CAMTA1: variants seen among roughly 807,000 people sequenced by gnomAD.
CAMTA1 encodes calmodulin binding transcription activator 1, also known as calmodulin-binding transcription activator 1.
CAMTA1 carries 27 observed loss-of-function variants against 170.9 expected under a neutral mutation model. That is an observed-to-expected ratio of 0.16 (90% CI 0.12 to 0.22). CAMTA1 has a LOEUF of 0.22. Ranked by LOEUF, CAMTA1 falls within the 10% of genes least tolerant of loss-of-function variation. The pLI is 1.00. For synonymous variants in CAMTA1, 833 were observed against 891.5 expected (o/e 0.93, Z 1.17); for missense variants, 1,619 against 2,217.2 (o/e 0.73, Z 5.42).
intron 6 of CAMTA1, among the ~76,000 whole-genome samples, chr1:7,474,534 G>A (rs917199108): frequency 6.6e-6 from 1 of 152,204 alleles, no homozygotes; most frequent in Non-Finnish European, 1.5e-5. Context: ...CCTGTAAGTG[G>A]ACATCCTGAA....
intron 3 of CAMTA1, among the ~76,000 whole-genome samples, chr1:6,958,557 C>T (rs1315744904): frequency 2.6e-5 from 4 of 152,208 alleles, no homozygotes; most frequent in Admixed American, 6.5e-5. Context: ...TACTGAAGTC[C>T]GTCACCCAGA....
chr1:7,114,016 C>T (rs1644215407), intron 4 of CAMTA1, among the ~76,000 whole-genome samples: 1 of 152,178 alleles, frequency 6.6e-6, no homozygotes, highest in Admixed American at 6.5e-5. Flanking sequence ...ACTGCTGTAA[C>T]CCACGAGCCT....
rs1701007945 is a variant in CAMTA1, at chr1:7,019,171, CAGTCTCTT to C, written c.235-72127_235-72120del. On this transcript the variant is annotated intron_variant, in intron 3 of 22. Coordinates refer to ENST00000303635, the MANE Select transcript of CAMTA1 (RefSeq NM_015215.4). ...TCTGCTTCTCACAGCTTCTTTAACT[CAGTCTCTT>C]AGTCTTCCCCTGAACTCGCGGACAC... Among the ~76,000 whole-genome samples, 6 of 152,206 alleles carry C rather than the reference CAGTCTCTT, an allele frequency of 3.9e-5. No individual in the cohort carries two copies. In the South Asian group the frequency reaches 1.2e-3, roughly 32 times the overall value.
intron 11 of CAMTA1, among the ~76,000 whole-genome samples, chr1:7,692,350 T>C (rs2096325450): frequency 6.6e-6 from 1 of 152,068 alleles, no homozygotes; most frequent in Non-Finnish European, 1.5e-5. Context: ...TTCCTGGAGC[T>C]GCTCAGCCCT....
chr1:7,363,603 G>T (rs780026329), intron 5 of CAMTA1, among the ~76,000 whole-genome samples: 1 of 152,134 alleles, frequency 6.6e-6, no homozygotes, highest in Admixed American at 6.5e-5. Context: ...ACATCGGAAC[G>T]ATTGGCCTGT....
chr1:7,066,455 T>A (rs1708975576), intron 3 of CAMTA1, among the ~76,000 whole-genome samples: 1 of 152,224 alleles, frequency 6.6e-6, no homozygotes, highest in Non-Finnish European at 1.5e-5. Flanking sequence ...CTTAGAAAGA[T>A]CTAAGAAAAT....
intron 5 of CAMTA1, among the ~76,000 whole-genome samples, chr1:7,317,751 C>T (rs1677744376): frequency 6.6e-6 from 1 of 152,120 alleles, no homozygotes; most frequent in Non-Finnish European, 1.5e-5. Flanking sequence ...GGAACACAGC[C>T]CTGGGCAACT....
intron 7 of CAMTA1, among the ~76,000 whole-genome samples, chr1:7,654,663 C>CAT (rs1347395576): frequency 6.8e-6 from 1 of 147,960 alleles, no homozygotes; most frequent in East Asian, 2.0e-4. Flanking sequence ...TATACACACA[C>CAT]ACCTATACAC....
intron 5 of CAMTA1, among the ~76,000 whole-genome samples, chr1:7,409,261 A>C (rs1444632995): frequency 6.6e-6 from 1 of 152,198 alleles, no homozygotes; most frequent in Non-Finnish European, 1.5e-5. Context: ...GATGGTGGGA[A>C]AGAGCACGAC....
chr1:7,305,118 T>G (rs987574880), intron 5 of CAMTA1, among the ~76,000 whole-genome samples: 2 of 152,168 alleles, frequency 1.3e-5, no homozygotes, highest in African/African-American at 4.8e-5. Context: ...TCTACCTTTT[T>G]TTCTTGCTGG....
intron 3 of CAMTA1, among the ~76,000 whole-genome samples, chr1:6,856,052 C>A (rs1401770232): frequency 1.3e-5 from 2 of 152,164 alleles, no homozygotes. Context: ...TGGAGGTACC[C>A]TGCTACAAAA....
At chr1:7,284,032 C>T (rs922170584) in intron 5 of CAMTA1, among the ~76,000 whole-genome samples, 2 of 152,134 alleles carry the variant, frequency 1.3e-5, no homozygotes, top group Admixed American at 1.3e-4. Flanking sequence ...CCTGTGCTCC[C>T]GTTTTCTCAT....
At position 7,611,810 on chromosome 1, in the gene CAMTA1, C is replaced by T. The variant is rs190023433; in HGVS notation, c.511-28590C>T. On this transcript the variant is annotated intron_variant, in intron 6 of 22. Coordinates refer to ENST00000303635, the MANE Select transcript of CAMTA1 (RefSeq NM_015215.4). ...TGCCCAGGGGCCAGTGCTGGGGGAC[C>T]GCCTGGAGCTTCTCTGTGCCTTGCC... Among the ~76,000 whole-genome samples the T allele has an allele frequency of 4.5e-4, 68 of 152,354 alleles. No homozygotes were observed. In the East Asian group the frequency reaches 9.8e-3, roughly 22 times the overall value.
At chr1:6,998,263 G>T (rs1174359742) in intron 3 of CAMTA1, among the ~76,000 whole-genome samples, 3 of 151,712 alleles carry the variant, frequency 2.0e-5, no homozygotes, top group African/African-American at 7.3e-5. Context: ...TGTATTTTTA[G>T]TAGAGACAGA....
intron 22 of CAMTA1, among the ~76,000 whole-genome samples, chr1:7,765,329 A>G (rs575394078): frequency 6.6e-6 from 1 of 152,194 alleles, no homozygotes; most frequent in Non-Finnish European, 1.5e-5. Flanking sequence ...CACCCCATCT[A>G]CATCAGGTGG....
intron 12 of CAMTA1, among the ~76,000 whole-genome samples, chr1:7,734,414 A>G (rs1479743942): frequency 6.6e-6 from 1 of 152,236 alleles, no homozygotes; most frequent in East Asian, 1.9e-4. Flanking sequence ...CTCAAACGCT[A>G]TGCAACTGGC....
intron 11 of CAMTA1, among the ~76,000 whole-genome samples, chr1:7,706,351 T>G (rs918135542): frequency 1.6e-4 from 25 of 152,224 alleles, no homozygotes; most frequent in African/African-American, 5.3e-4. Context: ...CTTTTTAAAA[T>G]TGTGCTCCCA....
intron 4 of CAMTA1, among the ~76,000 whole-genome samples, chr1:7,102,301 C>T (rs879814158): frequency 3.0e-4 from 46 of 152,150 alleles, no homozygotes; most frequent in African/African-American, 8.2e-4. Flanking sequence ...GAGTCCAGGA[C>T]GGGGCAGCCA....
chr1:7,596,152 G>T (rs1342453331), intron 6 of CAMTA1, among the ~76,000 whole-genome samples: 3 of 152,224 alleles, frequency 2.0e-5, no homozygotes, highest in Admixed American at 6.5e-5. Context: ...ATGAGGGTGG[G>T]AGGAAGCAGA....
Sources: allele counts gnomAD v4.1 joint callset (sites outside exome capture counted in the v4.1 genomes callset), GRCh38; gene constraint gnomAD v4.1.1; transcripts MANE v1.5; gene names NCBI Gene and HGNC (gene_info 2026-07-23, HGNC 2026-07-21).